SEPTIN9: variants seen among roughly 807,000 people sequenced by gnomAD.
The protein encoded by SEPTIN9 is septin-9.
A neutral mutation model predicts 56.6 loss-of-function variants in SEPTIN9; 13 were observed. The observed-to-expected ratio is 0.23, with a 90% CI of 0.15 to 0.37. The LOEUF is 0.37. Ranked by LOEUF, SEPTIN9 falls within the 10% of genes least tolerant of loss-of-function variation. The pLI is 1.00. For missense variants in SEPTIN9, 650 were observed against 823.1 expected, an observed-to-expected ratio of 0.79 and a Z score of 2.57; for synonymous variants, 332 against 334.1, an observed-to-expected ratio of 0.99 and a Z score of 0.07.
chr17:77,361,609 C>T (rs312879), intron 2 of SEPTIN9, among the ~76,000 whole-genome samples: 39,033 of 151,444 alleles, frequency 0.26, 5,453 homozygotes, highest in East Asian at 0.61. Flanking sequence ...TATTCATAAT[C>T]GAGTGGTCAG....
At chr17:77,301,010 G>A in intron 1 of SEPTIN9, among the ~76,000 whole-genome samples, 1 of 81,550 alleles carries the variant, frequency 1.2e-5, no homozygotes, top group Non-Finnish European at 2.3e-5. Context: ...CAGGCTTAAA[G>A]CGCCCCCACC....
chr17:77,307,639 G>A (rs1012888907), intron 2 of SEPTIN9, among the ~76,000 whole-genome samples: 1 of 152,132 alleles, frequency 6.6e-6, no homozygotes, highest in East Asian at 1.9e-4. Context: ...AGATACGTCC[G>A]GTGTTATCTA....
chr17:77,362,015 TCCTAC>T (rs2034434798), intron 2 of SEPTIN9, among the ~76,000 whole-genome samples: 1 of 152,224 alleles, frequency 6.6e-6, no homozygotes, highest in South Asian at 2.1e-4. Flanking sequence ...CCCATTTGTT[TCCTAC>T]CCTCAGTGTT....
At chr17:77,428,255 G>A (rs528864160) in intron 3 of SEPTIN9, among the ~76,000 whole-genome samples, 43 of 152,346 alleles carry the variant, frequency 2.8e-4, no homozygotes, top group Middle Eastern at 3.4e-3. Flanking sequence ...GACAGAGCTC[G>A]GGGACGGTGG....
chr17:77,441,216 C>T (rs2037537241), intron 3 of SEPTIN9, among the ~76,000 whole-genome samples: 1 of 152,152 alleles, frequency 6.6e-6, no homozygotes, highest in Non-Finnish European at 1.5e-5. Flanking sequence ...GTGTCTCTGC[C>T]AAAAATATGA....
intron 1 of SEPTIN9, among the ~76,000 whole-genome samples, chr17:77,301,145 G>A (rs77558517): frequency 3.4e-4 from 51 of 151,936 alleles, no homozygotes; most frequent in East Asian, 1.2e-3. Context: ...GGAAACAAAC[G>A]GGGGAGGCAC....
chr17:77,372,093 C>G (rs561098781), intron 2 of SEPTIN9, among the ~76,000 whole-genome samples: 4 of 152,058 alleles, frequency 2.6e-5, no homozygotes, highest in African/African-American at 9.7e-5. Context: ...TTCAAGGGAC[C>G]GGAGTGCAGT....
rs761844519 is a variant in SEPTIN9 at position 77,434,396 on chromosome 17, C to T, written c.721+31693C>T. ...GTCTGCTGGTGGGTGGCTGAGGCTG[C>T]GGTGAGGTCTCCATGGCTCCCTCGT... is the stretch of plus-strand genomic sequence containing the variant. On this transcript the variant is annotated intron_variant, in intron 3 of 11. Transcript: ENST00000427177. The surrounding 1 kb of genome is among the most constrained non-coding windows in gnomAD (Gnocchi z 5.0). 1.7e-4 allele frequency among the ~76,000 whole-genome samples: 26 copies of T among 152,190 alleles called. No homozygotes were observed. Among genetic ancestry groups the T allele is most frequent in the Non-Finnish European group, 2.8e-4 (19 of 68,030 alleles).
At chr17:77,431,539 G>C (rs1333270892) in intron 3 of SEPTIN9, among the ~76,000 whole-genome samples, 1 of 152,004 alleles carries the variant, frequency 6.6e-6, no homozygotes, top group Non-Finnish European at 1.5e-5. Flanking sequence ...TCTCTGCTTT[G>C]TATGAGAACC....
intron 2 of SEPTIN9, among the ~76,000 whole-genome samples, chr17:77,359,144 G>T (rs1178817885): frequency 1.3e-5 from 2 of 152,162 alleles, no homozygotes; most frequent in Non-Finnish European, 2.9e-5. Context: ...CTTCCCACTG[G>T]CCAGAACCCA....
intron 2 of SEPTIN9, among the ~76,000 whole-genome samples, chr17:77,351,029 C>T (rs539028760): frequency 2.0e-5 from 3 of 146,834 alleles, no homozygotes; most frequent in South Asian, 4.2e-4. Flanking sequence ...CATGTGTGCA[C>T]GTGTGGACCT....
At chr17:77,486,503 TGTGTGTGTGTGTGTGTGTGCGCGCACGC>T (rs1211198584) in intron 4 of SEPTIN9, among the ~76,000 whole-genome samples, 1 of 96,502 alleles carries the variant, frequency 1.0e-5, no homozygotes, top group African/African-American at 6.3e-5. Context: ...TGTGTGTGTG[TGTGTGTGTGTGTGTGTGTGCGCGCACGC>T]GCGCGCGTGT....
chr17:77,412,173 T>C (rs2036328853), intron 3 of SEPTIN9, among the ~76,000 whole-genome samples: 1 of 151,490 alleles, frequency 6.6e-6, no homozygotes, highest in Non-Finnish European at 1.5e-5. Context: ...GTTCCTGAAT[T>C]GGCCTCTAAA....
rs183697871 is a variant in SEPTIN9, at chr17:77,474,112, T to C, written c.722-8032T>C. 2.5e-4 allele frequency among the ~76,000 whole-genome samples: 38 copies of C among 152,380 alleles called. 1 individual carries two copies. The East Asian group carries it at 6.2e-3, about 25-fold the overall frequency. On this transcript the variant is annotated intron_variant, in intron 3 of 11. Coordinates refer to ENST00000427177, the MANE Select transcript of SEPTIN9 (RefSeq NM_001113491.2). ...AGTGAGAAGTCATCATTGAGGTCTC[T>C]GTGGATTTTGTCAGCCCAACCTGGG...
chr17:77,361,875 G>A (rs909222656), intron 2 of SEPTIN9, among the ~76,000 whole-genome samples: 3 of 151,346 alleles, frequency 2.0e-5, no homozygotes, highest in Non-Finnish European at 2.9e-5. Context: ...CTCGTGATCC[G>A]CCCGCCTCGG....
intron 3 of SEPTIN9, among the ~76,000 whole-genome samples, chr17:77,415,782 G>A (rs1012017288): frequency 2.0e-5 from 3 of 152,272 alleles, no homozygotes; most frequent in Non-Finnish European, 4.4e-5. Context: ...GAAGCATGGC[G>A]AGGTGGACGG....
intron 2 of SEPTIN9, among the ~76,000 whole-genome samples, chr17:77,347,915 A>G (rs900133779): frequency 6.6e-6 from 1 of 152,108 alleles, no homozygotes; most frequent in African/African-American, 2.4e-5. Flanking sequence ...GCTAAGCTAG[A>G]ATGTTCGGTA....
chr17:77,439,193 G>T (rs1366124657), intron 3 of SEPTIN9, among the ~76,000 whole-genome samples: 1 of 152,292 alleles, frequency 6.6e-6, no homozygotes, highest in Admixed American at 6.5e-5. Context: ...GCTCCAAAGT[G>T]CTTTCCTCCC....
At chr17:77,422,757 A>G (rs1020196853) in intron 3 of SEPTIN9, among the ~76,000 whole-genome samples, 5 of 152,174 alleles carry the variant, frequency 3.3e-5, no homozygotes, top group African/African-American at 1.2e-4. Flanking sequence ...TTGCTTCCAA[A>G]GTAGGACTCA....
Sources: allele counts gnomAD v4.1 joint callset (sites outside exome capture counted in the v4.1 genomes callset), GRCh38; gene constraint gnomAD v4.1.1; non-coding constraint Gnocchi (gnomAD v3.1); transcripts MANE v1.5; gene names NCBI Gene and HGNC (gene_info 2026-07-23, HGNC 2026-07-21).